AHDC1: variants seen among roughly 807,000 people sequenced by gnomAD.
The protein encoded by AHDC1 is AT-hook DNA binding motif containing 1, also known as transcription factor Gibbin.
A neutral mutation model predicts 87.9 loss-of-function variants in AHDC1; 7 were observed. The ratio of observed to expected loss-of-function variants is 0.08; its 90% CI spans 0.05 to 0.15. The LOEUF (loss-of-function observed/expected upper bound fraction) is 0.15, where lower values mean the gene tolerates loss of function less well. AHDC1 is among the 10% of genes least tolerant of loss of function. The pLI is 1.00. For synonymous variants in AHDC1, 1,051 were observed against 1,006.8 expected, an observed-to-expected ratio of 1.04 and a Z score of -0.83; for missense variants, 1,841 against 2,253.2, an observed-to-expected ratio of 0.82 and a Z score of 3.70.
intron 3 of AHDC1, among the ~76,000 whole-genome samples, chr1:27,602,709 G>A (rs994478609): frequency 3.3e-5 from 5 of 152,172 alleles, no homozygotes; most frequent in Non-Finnish European, 7.4e-5. Flanking sequence ...ATTGATAGGC[G>A]ATTATTTATT....
At position 27,548,765 on chromosome 1, in the gene AHDC1, C is replaced by T; in HGVS notation, c.3351G>A (p.Leu1117=). ...QWPFRQGYGG[L]DWASEAFSQL... ...GACTAAAGGCCTCTGAGGCCCAGTC[C>T]AGGCCTCCATAGCCCTGCCGGAAAG... Residue 1117 remains leucine (L), a synonymous_variant, in exon 8 of 9, where the codon CTG becomes CTA. Coordinates refer to ENST00000673934, the MANE Select transcript of AHDC1 (RefSeq NM_001371928.1). The T allele has an allele frequency of 6.2e-7, 1 of 1,613,222 alleles. No individual in the cohort carries two copies. The highest frequency in any genetic ancestry group is 8.5e-7 in the Non-Finnish European group (1 of 1,180,050).
In AHDC1 at chr1:27,549,195, T is replaced by C; in HGVS notation, c.2921A>G (p.Tyr974Cys). The change falls in exon 8 of 9, where the codon TAT (tyrosine) becomes TGT (cysteine). Residue 974 changes from tyrosine (Y) to cysteine (C), a missense_variant. Tyr to Cys is a radical substitution (Grantham distance 194). Around this residue, in one of 13 missense-constraint regions of AHDC1, gnomAD observed 378 missense variants for 399.0 expected, o/e 0.95. Transcript: ENST00000673934. ...GGCGAATACGCTTTGTCCGGCCCCA[T>C]AGCCGCCGTACTGGGGCAGGTAGGT... ...ANTYLPQYGG[Y>C]GAGQSVFAPT... is the part of the protein sequence containing the mutation. 1.3e-6 allele frequency: 2 copies of C among 1,594,220 alleles called. No homozygotes were observed. Among genetic ancestry groups the C allele is most frequent in the Non-Finnish European group, 1.7e-6 (2 of 1,170,072 alleles).
chr1:27,544,739 TAGAG>T (rs1050951306), intron 8 of AHDC1, among the ~76,000 whole-genome samples: 4 of 152,076 alleles, frequency 2.6e-5, no homozygotes, highest in African/African-American at 9.7e-5. Flanking sequence ...TCATCTTAGA[TAGAG>T]AGAGGGGGCA....
At chr1:27,584,205 G>A (rs569757136) in intron 3 of AHDC1, among the ~76,000 whole-genome samples, 5 of 152,290 alleles carry the variant, frequency 3.3e-5, no homozygotes, top group East Asian at 1.9e-4. Context: ...CTCCAAAGTC[G>A]GGACGCTCAC....
chr1:27,581,346 A>T (rs900016853), intron 3 of AHDC1, among the ~76,000 whole-genome samples: 64 of 152,146 alleles, frequency 4.2e-4, no homozygotes, highest in African/African-American at 1.2e-3. Context: ...ATATATTTTT[A>T]AAAAAAATTT....
intron 3 of AHDC1, among the ~76,000 whole-genome samples, chr1:27,564,476 G>C (rs1008594142): frequency 2.6e-5 from 4 of 152,198 alleles, no homozygotes; most frequent in Non-Finnish European, 5.9e-5. Flanking sequence ...CATGAGACAA[G>C]GTAGCATAAA....
chr1:27,594,067 A>G (rs2089299427), intron 3 of AHDC1, among the ~76,000 whole-genome samples: 1 of 152,182 alleles, frequency 6.6e-6, no homozygotes, highest in Admixed American at 6.5e-5. Context: ...AGGCAGAAGC[A>G]GCTCAGCCTC....
intron 8 of AHDC1, among the ~76,000 whole-genome samples, chr1:27,543,546 C>G (rs752623514): frequency 6.6e-6 from 1 of 152,234 alleles, no homozygotes; most frequent in African/African-American, 2.4e-5. Flanking sequence ...GCCCTTCCCC[C>G]GGTCTCCATG....
chr1:27,590,481 C>T lies in AHDC1; in HGVS notation c.-629+12916G>A, dbSNP rs750718418. Among the ~76,000 whole-genome samples, 4 of 151,918 alleles carry T rather than the reference C, an allele frequency of 2.6e-5. No individual in the cohort carries two copies. The highest frequency in any genetic ancestry group is 9.7e-5 in the African/African-American group (4 of 41,352). On this transcript the variant is annotated intron_variant, in intron 3 of 8. Coordinates refer to ENST00000673934, the MANE Select transcript of AHDC1 (RefSeq NM_001371928.1). This position sits in a 1 kb window ranked among gnomAD's most constrained non-coding sequence, Gnocchi z 5.4. The stretch of plus-strand genomic sequence containing the variant: ...GTATTCCCAGGCCAGCCACCCAGCA[C>T]CACCCACCCCCACCACCCCTCAGCA...
At chr1:27,543,137 G>C (rs1036118154) in intron 8 of AHDC1, among the ~76,000 whole-genome samples, 3 of 152,250 alleles carry the variant, frequency 2.0e-5, no homozygotes, top group African/African-American at 7.2e-5. Context: ...GGCCCTAGCC[G>C]CGTAACCTTG....
chr1:27,568,572 G>A (rs1008171894), intron 3 of AHDC1, among the ~76,000 whole-genome samples: 1 of 152,144 alleles, frequency 6.6e-6, no homozygotes, highest in African/African-American at 2.4e-5. Flanking sequence ...CCGAACACCA[G>A]GAGCGGTGCC....
Position 27,550,574 on chromosome 1 carries a change from C to A in AHDC1, c.1542G>T (p.Ser514=). ...VEGKELGLRV[S]AEPTPLLKMK... ...TCTTCAGCAGCGGGGTGGGCTCAGC[C>A]GACACGCGCAGGCCCAGCTCCTTGC... is the stretch of plus-strand genomic sequence containing the variant. Residue 514 remains serine, a synonymous_variant, in exon 8 of 9, where the codon TCG becomes TCT. Coordinates refer to ENST00000673934, the MANE Select transcript of AHDC1 (RefSeq NM_001371928.1). 1 of 1,613,688 alleles carries A rather than the reference C, an allele frequency of 6.2e-7. No individual in the cohort carries two copies. The highest frequency in any genetic ancestry group is 8.5e-7 in the Non-Finnish European group (1 of 1,179,922).
chr1:27,568,170 G>T (rs1195954451), intron 3 of AHDC1: 2 of 152,296 alleles, frequency 1.3e-5, no homozygotes, highest in Admixed American at 6.5e-5. Context: ...AATGCAGCCG[G>T]TAAGCCATTC....
intron 3 of AHDC1, among the ~76,000 whole-genome samples, chr1:27,603,056 G>A (rs1557717225): frequency 6.7e-6 from 1 of 150,176 alleles, no homozygotes; most frequent in South Asian, 2.1e-4. Flanking sequence ...CGGAGGGAGG[G>A]GGAAGGAGGA....
chr1:27,575,883 C>T lies in AHDC1; in HGVS notation c.-628-17000G>A, dbSNP rs533388067. 2.6e-4 allele frequency among the ~76,000 whole-genome samples: 36 copies of T among 139,348 alleles called. 1 individual carries two copies. Among genetic ancestry groups the T allele is most frequent in the African/African-American group, 8.9e-4 (34 of 38,084 alleles). 91.4% of individuals were successfully genotyped at this position (139,348 alleles called of 152,430 possible). A position where few individuals can be genotyped will look rare whatever the true frequency, so the allele number is the denominator to read the frequency against. ...CCGCCAGGCCGGGCCCTCTGCTGCC[C>T]GCTGAATGGGAGGGGGGGCGGGGTC... On this transcript the variant is annotated intron_variant, in intron 3 of 8. Transcript: ENST00000673934.
At chr1:27,569,511 C>G (rs1005026581) in intron 3 of AHDC1, among the ~76,000 whole-genome samples, 8 of 152,186 alleles carry the variant, frequency 5.3e-5, no homozygotes, top group Admixed American at 1.3e-4. Context: ...GCAAAGCCAT[C>G]TATCTCAGAG....
At chr1:27,564,917 G>T (rs1320166855) in intron 3 of AHDC1, among the ~76,000 whole-genome samples, 1 of 152,142 alleles carries the variant, frequency 6.6e-6, no homozygotes, top group African/African-American at 2.4e-5. Flanking sequence ...TTTTACAGGA[G>T]CCCAGAGAGG....
Position 27,598,288 on chromosome 1 carries a change from G to A in AHDC1, c.-629+5109C>T, listed in dbSNP as rs74973036. 0.037 allele frequency among the ~76,000 whole-genome samples: 5,598 copies of A among 152,284 alleles called. 118 individuals are homozygous for A. Among genetic ancestry groups the A allele is most frequent in the Middle Eastern group, 0.1 (30 of 294 alleles). On this transcript the variant is annotated intron_variant, in intron 3 of 8. Transcript: ENST00000673934. This position sits in a 1 kb window ranked among gnomAD's most constrained non-coding sequence, Gnocchi z 4.2. ...GAAAACAGGGCCTCATTGCAGTTGGGTTTGTGTGTGTGGTGGAGGGGGCTG... is the reference window on the plus strand; with the variant it reads ...GAAAACAGGGCCTCATTGCAGTTGGATTTGTGTGTGTGGTGGAGGGGGCTG...
At chr1:27,584,821 C>T (rs980726401) in intron 3 of AHDC1, among the ~76,000 whole-genome samples, 1 of 152,200 alleles carries the variant, frequency 6.6e-6, no homozygotes, top group Middle Eastern at 3.4e-3. Context: ...TAGAGGCTCC[C>T]CAGAGATGCC....
Sources: allele counts gnomAD v4.1 joint callset (sites outside exome capture counted in the v4.1 genomes callset), GRCh38; gene constraint gnomAD v4.1.1; regional missense constraint gnomAD v4.1.1; non-coding constraint Gnocchi (gnomAD v3.1); transcripts MANE v1.5; gene names NCBI Gene and HGNC (gene_info 2026-07-23, HGNC 2026-07-21).